Variants in PRKCE observed in about 807,000 individuals in gnomAD.
PRKCE encodes protein kinase C epsilon type.
A neutral mutation model predicts 85.4 loss-of-function variants in PRKCE; 16 were observed. The ratio of observed to expected loss-of-function variants is 0.19; its 90% CI spans 0.13 to 0.28. PRKCE has a LOEUF of 0.28. PRKCE is among the 10% of genes least tolerant of loss of function. The pLI is 1.00. For synonymous variants in PRKCE, 388 were observed against 371.5 expected (o/e 1.04, Z -0.51); for missense variants, 573 against 975.2 (o/e 0.59, Z 5.49).
At chr2:45,840,712 G>T (rs1691276862) in intron 1 of PRKCE, among the ~76,000 whole-genome samples, 1 of 152,148 alleles carries the variant, frequency 6.6e-6, no homozygotes, top group East Asian at 1.9e-4. Flanking sequence ...GAAACCTTAA[G>T]CTCTCTCAAC....
At position 45,989,648 on chromosome 2, in the gene PRKCE, TA is replaced by T. The variant is rs34422241; in HGVS notation, c.823+4982del. Among the ~76,000 whole-genome samples, 198 of 147,230 alleles carry T rather than the reference TA, an allele frequency of 1.3e-3. 1 individual carries two copies. The highest frequency in any genetic ancestry group is 1.3e-3 in the Non-Finnish European group (90 of 66,804). ...TCCCTCCTTCCTTCCTTTCCTTGTTTAAAAAAAAAAAAAAGTATTTTGGATA... is the reference window on the plus strand; with the variant it reads ...TCCCTCCTTCCTTCCTTTCCTTGTTTAAAAAAAAAAAAAGTATTTTGGATA... On this transcript the variant is annotated intron_variant, in intron 6 of 14. Coordinates refer to ENST00000306156, the MANE Select transcript of PRKCE (RefSeq NM_005400.3).
intron 1 of PRKCE, among the ~76,000 whole-genome samples, chr2:45,839,061 A>C (rs1472019883): frequency 1.3e-5 from 2 of 152,084 alleles, no homozygotes; most frequent in Non-Finnish European, 2.9e-5. Context: ...TGCTTGCTTC[A>C]GGCCACAAGG....
rs1675297538 is a variant in PRKCE, at chr2:46,139,469, C to T, written c.1593-5624C>T. ...GATTATTTTGAAGTGGATTCCATTG[C>T]AATTAACACATAAACCCAAAACAAC... On this transcript the variant is annotated intron_variant, in intron 11 of 14. Coordinates refer to ENST00000306156, the MANE Select transcript of PRKCE (RefSeq NM_005400.3). This position sits in a 1 kb window ranked among gnomAD's most constrained non-coding sequence, Gnocchi z 5.2. 6.6e-6 allele frequency among the ~76,000 whole-genome samples: 1 copy of T among 151,982 alleles called. No homozygotes were observed. Among genetic ancestry groups the T allele is most frequent in the Non-Finnish European group, 1.5e-5 (1 of 68,004 alleles).
intron 2 of PRKCE, among the ~76,000 whole-genome samples, chr2:45,951,874 C>T (rs1700645859): frequency 6.6e-6 from 1 of 152,208 alleles, no homozygotes; most frequent in African/African-American, 2.4e-5. Context: ...GCTCTGTCGC[C>T]CAGGCTGGAG....
At chr2:46,021,959 A>T (rs1706707120) in intron 10 of PRKCE, among the ~76,000 whole-genome samples, 1 of 152,154 alleles carries the variant, frequency 6.6e-6, no homozygotes, top group African/African-American at 2.4e-5. Flanking sequence ...AGATGACTCC[A>T]TTGAAGCAAT....
chr2:46,175,457 C>T (rs750056317), intron 14 of PRKCE, among the ~76,000 whole-genome samples: 1 of 152,222 alleles, frequency 6.6e-6, no homozygotes, highest in African/African-American at 2.4e-5. Flanking sequence ...CTCGATGTCA[C>T]CTACTGTTCT....
chr2:45,928,276 A>C (rs1478096662), intron 2 of PRKCE, among the ~76,000 whole-genome samples: 1 of 152,162 alleles, frequency 6.6e-6, no homozygotes, highest in Admixed American at 6.5e-5. Context: ...ATAACTTTAT[A>C]CTTCTTTTTG....
intron 2 of PRKCE, among the ~76,000 whole-genome samples, chr2:45,937,385 G>A (rs1242313616): frequency 2.0e-5 from 3 of 152,176 alleles, no homozygotes; most frequent in African/African-American, 7.2e-5. Flanking sequence ...ACACCTGGTA[G>A]GCCCCACATT....
At chr2:46,177,778 C>T (rs1679567647) in intron 14 of PRKCE, among the ~76,000 whole-genome samples, 1 of 152,220 alleles carries the variant, frequency 6.6e-6, no homozygotes, top group East Asian at 1.9e-4. Flanking sequence ...ATTGATACAA[C>T]TAAGATAGTG....
At position 45,810,312 on chromosome 2, in the gene PRKCE, A is replaced by T. The variant is rs112057338; in HGVS notation, c.349-32688A>T. Among the ~76,000 whole-genome samples the T allele has an allele frequency of 7.7e-3, 1,170 of 152,266 alleles. 17 individuals carry two copies. The highest frequency in any genetic ancestry group is 0.027 in the African/African-American group (1,122 of 41,570). On this transcript the variant is annotated intron_variant, in intron 1 of 14. Coordinates refer to ENST00000306156, the MANE Select transcript of PRKCE (RefSeq NM_005400.3). Reference sequence around the variant, plus strand: ...CGCCTCGGCCTCCCAAAGTGCTGGGATTACAGGCGTGAACCACCGCGCCCA... The same window carrying T: ...CGCCTCGGCCTCCCAAAGTGCTGGGTTTACAGGCGTGAACCACCGCGCCCA...
At chr2:45,746,408 C>T (rs778768691) in intron 1 of PRKCE, among the ~76,000 whole-genome samples, 1 of 152,176 alleles carries the variant, frequency 6.6e-6, no homozygotes, top group African/African-American at 2.4e-5. Context: ...GGGCACCTGG[C>T]CCATAGTGGG....
intron 1 of PRKCE, among the ~76,000 whole-genome samples, chr2:45,810,821 A>G (rs899396502): frequency 2.0e-5 from 3 of 152,228 alleles, no homozygotes; most frequent in Admixed American, 1.3e-4. Context: ...AGTAGGGCAC[A>G]TTCGTATTAT....
intron 1 of PRKCE, among the ~76,000 whole-genome samples, chr2:45,744,534 C>CTT (rs1682963965): frequency 2.9e-5 from 1 of 34,856 alleles, no homozygotes; most frequent in Non-Finnish European, 7.0e-5. Context: ...CTTTTTCTTT[C>CTT]CTTCTTTCTT....
At chr2:45,733,975 G>C (rs1681816349) in intron 1 of PRKCE, among the ~76,000 whole-genome samples, 1 of 152,198 alleles carries the variant, frequency 6.6e-6, no homozygotes, top group Non-Finnish European at 1.5e-5. Context: ...GGAAGGCAGG[G>C]GCCATCTCAC....
chr2:45,879,819 T>C (rs4953282), intron 2 of PRKCE, among the ~76,000 whole-genome samples: 46,152 of 152,220 alleles, frequency 0.3, 7,949 homozygotes, highest in East Asian at 0.56. Context: ...ATCTATTGTA[T>C]AGTGATCAGA....
At chr2:45,968,149 G>A (rs953114982) in intron 2 of PRKCE, among the ~76,000 whole-genome samples, 7 of 152,138 alleles carry the variant, frequency 4.6e-5, no homozygotes, top group South Asian at 2.1e-4. Flanking sequence ...CCAGGCATAC[G>A]TCTGTGTGTG....
rs2103772457 is a variant in PRKCE, at chr2:45,905,959, G to A, written c.412+62896G>A. On this transcript the variant is annotated intron_variant, in intron 2 of 14. Coordinates refer to ENST00000306156, the MANE Select transcript of PRKCE (RefSeq NM_005400.3). This position sits in a 1 kb window ranked among gnomAD's most constrained non-coding sequence, Gnocchi z 4.4. ...CCACATGAAGGGCCGGGGTGGGCAG[G>A]CTATCTTCAGCGGTGATGCGCTTTC... Among the ~76,000 whole-genome samples, 1 of 152,330 alleles carries A rather than the reference G, an allele frequency of 6.6e-6. No individual in the cohort carries two copies. Among genetic ancestry groups the A allele is most frequent in the South Asian group, 2.1e-4 (1 of 4,826 alleles).
intron 14 of PRKCE, among the ~76,000 whole-genome samples, chr2:46,180,939 G>A (rs931045787): frequency 1.3e-5 from 2 of 152,184 alleles, no homozygotes; most frequent in Non-Finnish European, 2.9e-5. Context: ...TCACGGATTA[G>A]GAAGGGACTG....
chr2:46,118,875 A>T (rs1426903824), intron 11 of PRKCE, among the ~76,000 whole-genome samples: 2 of 152,158 alleles, frequency 1.3e-5, no homozygotes, highest in African/African-American at 4.8e-5. Context: ...GAAAGCAGAG[A>T]CTTCACCCAA....
Sources: allele counts gnomAD v4.1 joint callset (sites outside exome capture counted in the v4.1 genomes callset), GRCh38; gene constraint gnomAD v4.1.1; non-coding constraint Gnocchi (gnomAD v3.1); transcripts MANE v1.5; gene names NCBI Gene and HGNC (gene_info 2026-07-23, HGNC 2026-07-21).